Variants in SRD5A2 observed in about 807,000 individuals in gnomAD.
The protein encoded by SRD5A2 is 3-oxo-5-alpha-steroid 4-dehydrogenase 2.
A neutral mutation model predicts 27.4 loss-of-function variants in SRD5A2; 30 were observed. The ratio of observed to expected loss-of-function variants is 1.10; its 90% CI spans 0.82 to 1.49. The LOEUF (loss-of-function observed/expected upper bound fraction) is 1.49, where lower values mean the gene tolerates loss of function less well. Among genes scored for constraint, SRD5A2 ranks in the 40% most tolerant of loss-of-function variants. The pLI is 0.00. For missense variants in SRD5A2, 348 were observed against 323.4 expected (o/e 1.08, Z -0.58); for synonymous variants, 141 against 133.6 (o/e 1.06, Z -0.38).
chr2:31,548,785 A>G (rs1666316578), intron 1 of SRD5A2, among the ~76,000 whole-genome samples: 4 of 152,226 alleles, frequency 2.6e-5, no homozygotes, highest in Admixed American at 2.6e-4. Context: ...ATTTGTGCAC[A>G]CATTGATAGA....
intron 1 of SRD5A2, among the ~76,000 whole-genome samples, chr2:31,580,008 C>T (rs148939453): frequency 7.1e-4 from 108 of 152,300 alleles, no homozygotes; most frequent in African/African-American, 2.5e-3. Context: ...GGGACCCTCG[C>T]TTGAGTCAGT....
upstream of SRD5A2, among the ~76,000 whole-genome samples, chr2:31,583,586 C>T (rs548406938): frequency 2.8e-4 from 35 of 124,708 alleles, no homozygotes; most frequent in South Asian, 9.3e-3. Context: ...AGGATCTGTG[C>T]TCCTGCCTCC....
intron 2 of SRD5A2, among the ~76,000 whole-genome samples, chr2:31,531,907 G>C (rs1414790986): frequency 1.3e-5 from 2 of 152,166 alleles, no homozygotes; most frequent in African/African-American, 2.4e-5. Flanking sequence ...GAGAAAGGGG[G>C]TCACATGAGC....
chr2:31,552,159 T>C (rs1666393503), intron 1 of SRD5A2, among the ~76,000 whole-genome samples: 1 of 150,548 alleles, frequency 6.6e-6, no homozygotes, highest in Non-Finnish European at 1.5e-5. Context: ...AAGCTAACAA[T>C]AATATACACA....
At chr2:31,642,743 C>T in the SRD5A2 span, among the ~76,000 whole-genome samples, 1 of 151,852 alleles carries the variant, frequency 6.6e-6, no homozygotes, top group Non-Finnish European at 1.5e-5. Flanking sequence ...CTAATAATAA[C>T]CTAAAACTAT....
intron 2 of SRD5A2, among the ~76,000 whole-genome samples, chr2:31,532,367 A>T (rs1442531277): frequency 1.4e-5 from 2 of 143,640 alleles, no homozygotes; most frequent in African/African-American, 5.3e-5. Flanking sequence ...CAGTTCACAC[A>T]CACACACACA....
chr2:31,633,027 G>A, the SRD5A2 span, among the ~76,000 whole-genome samples: 18 of 152,040 alleles, frequency 1.2e-4, no homozygotes, highest in African/African-American at 3.9e-4. Context: ...TTACACTGCC[G>A]GGGTCAGGAG....
chr2:31,637,961 C>G, the SRD5A2 span, among the ~76,000 whole-genome samples: 2 of 151,858 alleles, frequency 1.3e-5, no homozygotes, highest in African/African-American at 4.8e-5. Flanking sequence ...CTATTTCCTT[C>G]TACTAATTTG....
rs1665721702 is a variant in SRD5A2 at position 31,524,171 on chromosome 2, G to A, written c.*2025C>T. 1 of 224,028 alleles carries A rather than the reference G, an allele frequency of 4.5e-6. No individual in the cohort carries two copies. The highest frequency in any genetic ancestry group is 8.9e-6 in the Non-Finnish European group (1 of 112,284). The allele number at this position is 224,028 out of a possible 1,614,324, so 13.9% of individuals were successfully genotyped here. A position where few individuals can be genotyped will look rare whatever the true frequency, so the allele number is the denominator to read the frequency against. On this transcript the variant is annotated 3_prime_UTR_variant, in exon 5 of 5. Coordinates refer to ENST00000622030, the MANE Select transcript of SRD5A2 (RefSeq NM_000348.4). ...AGGACCGGCCTGGATGTTTTACATG[G>A]TAGTAAAATAAAGGACTTAAGCAAG...
chr2:31,659,724 G>A, the SRD5A2 span, among the ~76,000 whole-genome samples: 67 of 152,170 alleles, frequency 4.4e-4, no homozygotes, highest in African/African-American at 1.6e-3. Flanking sequence ...TCATGGATAG[G>A]AAGAATCAAT....
At chr2:31,612,286 T>G in the SRD5A2 span, among the ~76,000 whole-genome samples, 1 of 128,124 alleles carries the variant, frequency 7.8e-6, no homozygotes, top group African/African-American at 2.9e-5. Context: ...GTCTCAAAAT[T>G]AAAAAAAAAA....
the SRD5A2 span, among the ~76,000 whole-genome samples, chr2:31,650,303 G>A: frequency 1.3e-5 from 2 of 152,104 alleles, no homozygotes; most frequent in African/African-American, 4.8e-5. Context: ...GGCACCTCAA[G>A]CAAAAGAAAA....
At chr2:31,627,917 T>G in the SRD5A2 span, among the ~76,000 whole-genome samples, 4 of 152,294 alleles carry the variant, frequency 2.6e-5, no homozygotes, top group African/African-American at 9.6e-5. Context: ...TTATAGTGTG[T>G]GTCATCTGCA....
chr2:31,556,134 T>C (rs1029846598), intron 1 of SRD5A2, among the ~76,000 whole-genome samples: 1 of 152,216 alleles, frequency 6.6e-6, no homozygotes, highest in Non-Finnish European at 1.5e-5. Context: ...CTTCTGTGGG[T>C]CCTTGCCGAG....
chr2:31,526,778 C>T (rs1266145448), intron 4 of SRD5A2, among the ~76,000 whole-genome samples: 1 of 152,094 alleles, frequency 6.6e-6, no homozygotes, highest in Non-Finnish European at 1.5e-5. Context: ...TGTTGAAGTC[C>T]TAACCCCCAG....
intron 3 of SRD5A2, 89 bp from the exon 4 acceptor site, chr2:31,529,546 C>T: frequency 6.6e-7 from 1 of 1,515,322 alleles, no homozygotes. Flanking sequence ...TACACAAAGG[C>T]AGCAAGAACA....
chr2:31,570,759 A>G (rs1046887627), intron 1 of SRD5A2, among the ~76,000 whole-genome samples: 1 of 152,182 alleles, frequency 6.6e-6, no homozygotes, highest in African/African-American at 2.4e-5. Flanking sequence ...CAAATCAAGA[A>G]TGCAATCCCA....
At chr2:31,601,609 A>G in the SRD5A2 span, among the ~76,000 whole-genome samples, 1 of 151,972 alleles carries the variant, frequency 6.6e-6, no homozygotes, top group East Asian at 1.9e-4. Context: ...CAGAGATACA[A>G]CGAAAAAACT....
intron 1 of SRD5A2, among the ~76,000 whole-genome samples, chr2:31,549,815 T>C (rs1056657720): frequency 6.6e-6 from 1 of 152,044 alleles, no homozygotes; most frequent in African/African-American, 2.4e-5. Flanking sequence ...AAACCATAGA[T>C]AGGAAAACCA....
Sources: gnomAD v4.1 joint callset for allele counts (sites outside exome capture counted in the v4.1 genomes callset) on GRCh38, gnomAD v4.1.1 for gene constraint, MANE v1.5 for transcripts, NCBI Gene and HGNC (gene_info 2026-07-23, HGNC 2026-07-21) for gene names.